The following ZNF432 variants were observed in gnomAD, a reference collection of about 807,000 sequenced individuals.
The protein encoded by ZNF432 is zinc finger protein 432.
A neutral mutation model predicts 13.9 loss-of-function variants in ZNF432; 10 were observed. That is an observed-to-expected ratio of 0.72 (90% CI 0.44 to 1.22). ZNF432 has a LOEUF of 1.22. ZNF432 is among the 50% of genes most tolerant of loss of function. The pLI, the probability that ZNF432 is intolerant of heterozygous loss-of-function variation, is 0.00. For synonymous variants in ZNF432, 247 were observed against 256.2 expected (o/e 0.96, Z 0.34); for missense variants, 793 against 796.2 (o/e 1.00, Z 0.05).
At chr19:52,040,414 T>C in intron 4 of ZNF432, 74 bp downstream of exon 4, 1 of 1,298,558 alleles carries the variant, frequency 7.7e-7, no homozygotes, top group South Asian at 1.2e-5. Flanking sequence ...ACTGCTTCTG[T>C]GTCCTCAGAC....
Position 52,040,500 on chromosome 19 carries a change from G to T in ZNF432, c.226C>A (p.Arg76=), listed in dbSNP as rs151015524. The T allele has an allele frequency of 2.0e-4, 325 of 1,613,986 alleles. 4 individuals carry two copies. The South Asian group carries it at 2.9e-3, about 14-fold the overall frequency. The stretch of plus-strand genomic sequence containing the variant: ...GCTTCTCACATACCTGGACAGATTC[G>T]ACTGTGCCTTTCATCTTCCATTGTC... ...PWTMEDERHS[R]ICPENNEVDD... Residue 76 remains arginine, a synonymous_variant, in exon 4 of 5, where the codon CGA becomes AGA. Transcript: ENST00000221315.
chr19:52,041,788 T>A (rs1218807693), intron 2 of ZNF432, among the ~76,000 whole-genome samples, 182 bp from the exon 3 acceptor site: 1 of 152,198 alleles, frequency 6.6e-6, no homozygotes, highest in Non-Finnish European at 1.5e-5. Flanking sequence ...AGTGCCCCAT[T>A]TGCTCAACAA....
At chr19:52,035,712 T>C (rs2123147124) in intron 4 of ZNF432, among the ~76,000 whole-genome samples, 1 of 152,200 alleles carries the variant, frequency 6.6e-6, no homozygotes, top group East Asian at 1.9e-4. Flanking sequence ...TTTGTATTTT[T>C]AGTAGAGACA....
chr19:52,048,642 C>T (rs891354489), intron 1 of ZNF432, 53 bp downstream of exon 1: 1 of 152,180 alleles, frequency 6.6e-6, no homozygotes, highest in Admixed American at 6.6e-5. Context: ...AACGCAGACG[C>T]CCTCAGAAAG....
intron 4 of ZNF432, among the ~76,000 whole-genome samples, chr19:52,036,288 C>T (rs563890833): frequency 1.7e-4 from 26 of 152,118 alleles, no homozygotes; most frequent in African/African-American, 4.8e-4. Flanking sequence ...AAAAACAATA[C>T]GAAGGAACAA....
intron 1 of ZNF432, among the ~76,000 whole-genome samples, chr19:52,048,182 C>CACACACAA (rs1482172095): frequency 1.0e-4 from 15 of 146,308 alleles, no homozygotes; most frequent in East Asian, 8.0e-4. Context: ...CACACACACA[C>CACACACAA]AAAACCAGCC....
chr19:52,040,891 G>A (rs7253318), intron 3 of ZNF432, among the ~76,000 whole-genome samples: 23,572 of 151,068 alleles, frequency 0.16, 2,138 homozygotes, highest in South Asian at 0.3. Flanking sequence ...ACCAACATTT[G>A]AAGCCAGGAG....
In ZNF432 at chr19:52,046,958, G is replaced by GTCGCTCTCCCTCTCCCCTCTCCCCTC; in HGVS notation, c.-91_-90insGAGGGGAGAGGGGAGAGGGAGAGCGA. ...CTTAAATTTCTATTTAGAAACTTCAGTCACCAGTGAAGGGTGTCCACAGAA... is the reference window on the plus strand; with the variant it reads ...CTTAAATTTCTATTTAGAAACTTCAGTCGCTCTCCCTCTCCCCTCTCCCCTCTCACCAGTGAAGGGTGTCCACAGAA... On this transcript the variant is annotated 5_prime_UTR_variant, in exon 2 of 5. Transcript: ENST00000221315. 1 of 1,409,430 alleles carries GTCGCTCTCCCTCTCCCCTCTCCCCTC rather than the reference G, an allele frequency of 7.1e-7. No individual in the cohort carries two copies. Among genetic ancestry groups the GTCGCTCTCCCTCTCCCCTCTCCCCTC allele is most frequent in the Non-Finnish European group, 9.9e-7 (1 of 1,008,204 alleles). The allele number at this position is 1,409,430 out of a possible 1,614,324, so 87.3% of individuals were successfully genotyped here. A position where few individuals can be genotyped will look rare whatever the true frequency, so the allele number is the denominator to read the frequency against.
chr19:52,037,091 T>A (rs2087089483), intron 4 of ZNF432, among the ~76,000 whole-genome samples: 1 of 152,218 alleles, frequency 6.6e-6, no homozygotes, highest in Non-Finnish European at 1.5e-5. Context: ...AAACTGTGAA[T>A]ACAAAGATCA....
chr19:52,044,320 CA>C (rs1027573649), intron 2 of ZNF432, among the ~76,000 whole-genome samples: 1 of 151,046 alleles, frequency 6.6e-6, no homozygotes, highest in Admixed American at 6.6e-5. Context: ...TACCAGAAAG[CA>C]AAAGAACCTG....
rs531731892 is a variant in ZNF432, at chr19:52,031,929, C to G, written c.*1791G>C. On this transcript the variant is annotated 3_prime_UTR_variant, in exon 5 of 5. Coordinates refer to ENST00000221315, the MANE Select transcript of ZNF432 (RefSeq NM_014650.4). ...AGGAAAATCTCTTGAACCTGGGAGG[C>G]GGGGTTGCAGTGAGCCAAGATCGTG... 2 of 152,102 alleles carry G rather than the reference C, an allele frequency of 1.3e-5. No homozygotes were observed. Among genetic ancestry groups the G allele is most frequent in the Admixed American group, 1.3e-4 (2 of 15,274 alleles). 9.4% of individuals were successfully genotyped at this position (152,102 alleles called of 1,614,324 possible).
chr19:52,043,036 C>T (rs530170479), intron 2 of ZNF432, among the ~76,000 whole-genome samples: 4 of 152,238 alleles, frequency 2.6e-5, no homozygotes, highest in Middle Eastern at 3.4e-3. Context: ...TAAATTGAGA[C>T]CCTCTTGTCA....
chr19:52,048,182 C>CACACACACACAAAA (rs1482172095), intron 1 of ZNF432, among the ~76,000 whole-genome samples: 1 of 146,214 alleles, frequency 6.8e-6, no homozygotes, highest in African/African-American at 2.6e-5. Context: ...CACACACACA[C>CACACACACACAAAA]AAAACCAGCC....
At chr19:52,044,578 T>G (rs1293023045) in intron 2 of ZNF432, among the ~76,000 whole-genome samples, 1 of 152,078 alleles carries the variant, frequency 6.6e-6, no homozygotes, top group South Asian at 2.1e-4. Context: ...AAGTCAGGCA[T>G]TTCACAAGAG....
At chr19:52,046,124 T>C (rs897502765) in intron 2 of ZNF432, among the ~76,000 whole-genome samples, 3 of 149,680 alleles carry the variant, frequency 2.0e-5, no homozygotes, top group African/African-American at 5.0e-5. Context: ...TGCAGAAGGA[T>C]ATTGTATATT....
chr19:52,039,812 GA>G (rs1364338859), intron 4 of ZNF432, among the ~76,000 whole-genome samples: 1 of 138,612 alleles, frequency 7.2e-6, no homozygotes, highest in Non-Finnish European at 1.5e-5. Flanking sequence ...CTGGGTGACA[GA>G]GTGAGACTCC....
intron 2 of ZNF432, among the ~76,000 whole-genome samples, chr19:52,044,615 C>T (rs1183589936): frequency 6.6e-6 from 1 of 151,946 alleles, no homozygotes; most frequent in Non-Finnish European, 1.5e-5. Flanking sequence ...CCAAGAAATA[C>T]ACAAGAAGGC....
chr19:52,039,313 T>C (rs111291609), intron 4 of ZNF432, among the ~76,000 whole-genome samples: 1 of 152,110 alleles, frequency 6.6e-6, no homozygotes, highest in Admixed American at 6.6e-5. Context: ...AGCCAAAAAG[T>C]AGAAATAACC....
chr19:52,033,127 G>C lies in ZNF432; in HGVS notation c.*593C>G, dbSNP rs1300820081. ...AAATTTTCAAGACTTTTCTGCATTG[G>C]ATGTATCAAGTTTATTTCCTACATG... On this transcript the variant is annotated 3_prime_UTR_variant, in exon 5 of 5. Transcript: ENST00000221315. 4 of 152,270 alleles carry C rather than the reference G, an allele frequency of 2.6e-5. No homozygotes were observed. The highest frequency in any genetic ancestry group is 5.9e-5 in the Non-Finnish European group (4 of 68,126). 9.4% of individuals were successfully genotyped at this position (152,270 alleles called of 1,614,324 possible).
Sources: gnomAD v4.1 joint callset for allele counts (sites outside exome capture counted in the v4.1 genomes callset) on GRCh38, gnomAD v4.1.1 for gene constraint, MANE v1.5 for transcripts, NCBI Gene and HGNC (gene_info 2026-07-23, HGNC 2026-07-21) for gene names.